Variants in BCL7A observed in about 807,000 individuals in gnomAD.
BCL7A encodes B-cell CLL/lymphoma 7 protein family member A.
A neutral mutation model predicts 28.4 loss-of-function variants in BCL7A; 11 were observed. The observed-to-expected ratio is 0.39, with a 90% confidence interval of 0.24 to 0.64. BCL7A has a LOEUF of 0.64. Ranked by LOEUF, BCL7A falls within the 30% of genes least tolerant of loss-of-function variation. The pLI is 0.50. For missense variants in BCL7A, 222 were observed against 274.8 expected, an observed-to-expected ratio of 0.81 and a Z score of 1.36; for synonymous variants, 123 against 103.3, an observed-to-expected ratio of 1.19 and a Z score of -1.15.
intron 2 of BCL7A, among the ~76,000 whole-genome samples, chr12:122,031,833 G>A (rs780800662): frequency 2.0e-5 from 3 of 152,158 alleles, no homozygotes; most frequent in Admixed American, 6.5e-5. Flanking sequence ...CAACTGCCCC[G>A]AGCAGACAGT....
intron 3 of BCL7A, 51 bp from the exon 4 acceptor site, chr12:122,043,835 C>A: frequency 6.5e-7 from 1 of 1,550,290 alleles, no homozygotes; most frequent in South Asian, 1.2e-5. Flanking sequence ...ACCTACCCGT[C>A]CTTGGCAGCT....
intron 1 of BCL7A, among the ~76,000 whole-genome samples, chr12:122,023,660 G>A (rs7954584): frequency 0.51 from 76,798 of 151,972 alleles, 19,835 homozygotes; most frequent in Non-Finnish European, 0.54. Flanking sequence ...CCAAAGTTGA[G>A]ATCCAAGTCG....
chr12:122,024,455 GT>G (rs1246502202), intron 1 of BCL7A, among the ~76,000 whole-genome samples: 4 of 81,074 alleles, frequency 4.9e-5, no homozygotes, highest in East Asian at 3.7e-4. Flanking sequence ...TGGCTTTGAG[GT>G]TTTTTGTTTT....
chr12:122,024,465 T>G (rs1188400800), intron 1 of BCL7A, among the ~76,000 whole-genome samples: 1 of 150,488 alleles, frequency 6.6e-6, no homozygotes, highest in South Asian at 2.1e-4. Flanking sequence ...GTTTTTTGTT[T>G]TTTTTTTTTT....
chr12:122,058,783 A>G (rs1951895642), intron 5 of BCL7A, among the ~76,000 whole-genome samples: 1 of 152,202 alleles, frequency 6.6e-6, no homozygotes, highest in African/African-American at 2.4e-5. Flanking sequence ...ATGAGTGGGG[A>G]GAGCCTAGGG....
rs551232709 is a variant in BCL7A, at chr12:122,030,560, C to T, written c.93-140C>T. 17 of 756,876 alleles carry T rather than the reference C, an allele frequency of 2.2e-5. No individual in the cohort carries two copies. The African/African-American group carries it at 2.6e-4, about 11-fold the overall frequency. The allele number at this position is 756,876 out of a possible 1,614,324, so 46.9% of individuals were successfully genotyped here. On this transcript the variant is annotated intron_variant, in intron 1 of 5. Coordinates refer to ENST00000261822, the MANE Select transcript of BCL7A (RefSeq NM_001024808.3). ...ATGGGTGATGTGGCCTGCCCAGGGC[C>T]TCCCGCTAGTGAGGGTGGAGCTGGG... is the stretch of plus-strand genomic sequence containing the variant.
At chr12:122,054,365 G>C (rs1462904579) in intron 4 of BCL7A, among the ~76,000 whole-genome samples, 5 of 152,342 alleles carry the variant, frequency 3.3e-5, no homozygotes, top group Admixed American at 3.3e-4. Flanking sequence ...GGGATTACAG[G>C]CCTGAGCCAC....
chr12:122,046,908 T>G (rs552957516), intron 4 of BCL7A, among the ~76,000 whole-genome samples: 105 of 151,772 alleles, frequency 6.9e-4, no homozygotes, highest in African/African-American at 2.5e-3. Context: ...TCTTGGGTTT[T>G]TTTTTTTTTT....
chr12:122,034,612 T>C (rs928039808), intron 2 of BCL7A, among the ~76,000 whole-genome samples: 1 of 151,664 alleles, frequency 6.6e-6, no homozygotes, highest in Admixed American at 6.6e-5. Context: ...GGCAGGCACC[T>C]GTAGCTCCAG....
intron 1 of BCL7A, among the ~76,000 whole-genome samples, chr12:122,024,087 G>A (rs1239821946): frequency 6.6e-6 from 1 of 152,096 alleles, no homozygotes; most frequent in Non-Finnish European, 1.5e-5. Flanking sequence ...GCCCCGGGGC[G>A]GCCGGCCTGG....
chr12:122,026,500 G>C (rs1245877860), intron 1 of BCL7A, among the ~76,000 whole-genome samples: 1 of 152,200 alleles, frequency 6.6e-6, no homozygotes, highest in Non-Finnish European at 1.5e-5. Flanking sequence ...CTGGTCTGAG[G>C]GTTCCCTCAA....
chr12:122,026,627 A>G (rs1018504325), intron 1 of BCL7A, among the ~76,000 whole-genome samples: 1 of 152,216 alleles, frequency 6.6e-6, no homozygotes, highest in African/African-American at 2.4e-5. Flanking sequence ...AGGTTTCATC[A>G]TGGAGACATT....
At chr12:122,044,908 T>G (rs1219427898) in intron 4 of BCL7A, among the ~76,000 whole-genome samples, 1 of 152,010 alleles carries the variant, frequency 6.6e-6, no homozygotes, top group Admixed American at 6.6e-5. Context: ...GGCAGAGAAT[T>G]ATAAAGTAGG....
chr12:122,024,568 G>T (rs901814532), intron 1 of BCL7A, among the ~76,000 whole-genome samples: 1 of 150,576 alleles, frequency 6.6e-6, no homozygotes, highest in African/African-American at 2.5e-5. Context: ...CCTTCGGATT[G>T]GGTCTTAGAC....
chr12:122,058,488 G>A (rs564337782), intron 5 of BCL7A, among the ~76,000 whole-genome samples: 2 of 151,856 alleles, frequency 1.3e-5, no homozygotes, highest in Admixed American at 1.3e-4. Context: ...GTGAAACCCC[G>A]TCTCTACTAA....
chr12:122,057,858 T>G (rs766464660), intron 5 of BCL7A, among the ~76,000 whole-genome samples: 4 of 152,090 alleles, frequency 2.6e-5, no homozygotes, highest in Non-Finnish European at 5.9e-5. Context: ...GGAGTCTACA[T>G]GGCAGAGTGG....
At chr12:122,036,021 T>G (rs969863634) in intron 3 of BCL7A, among the ~76,000 whole-genome samples, 2 of 152,094 alleles carry the variant, frequency 1.3e-5, no homozygotes. Flanking sequence ...TTGTATTTTT[T>G]AGTAAGACGG....
chr12:122,035,358 G>A lies in BCL7A; in HGVS notation c.202G>A (p.Asp68Asn). 1.2e-6 allele frequency: 2 copies of A among 1,614,142 alleles called. No homozygotes were observed. Among genetic ancestry groups the A allele is most frequent in the Non-Finnish European group, 1.7e-6 (2 of 1,179,992 alleles). Residue 68 changes from aspartate (D) to asparagine (N), a missense_variant, in exon 3 of 6, where the codon GAC becomes AAC. Physicochemically the swap from Asp to Asn is conservative, Grantham distance 23 (BLOSUM62 1). Around this residue, in one of 2 missense-constraint regions of BCL7A, gnomAD observed 67 missense variants for 129.1 expected, o/e 0.52. Transcript: ENST00000261822. Reference protein sequence around the residue: ...DKNKNKKKGKDEKCGSEVTTP... With the variant: ...DKNKNKKKGKNEKCGSEVTTP... ...AAACAAGAATAAGAAAAAAGGCAAG[G>A]ACGAGAAGTGTGGCTCAGAGGTGAC...
intron 1 of BCL7A, among the ~76,000 whole-genome samples, chr12:122,023,597 G>C (rs1593020003): frequency 2.0e-5 from 3 of 152,228 alleles, no homozygotes; most frequent in East Asian, 1.9e-4. Context: ...CGTGGGCTGG[G>C]TTTGGCTCCA....
Sources: gnomAD v4.1 joint callset for allele counts (sites outside exome capture counted in the v4.1 genomes callset) on GRCh38, gnomAD v4.1.1 for gene constraint, gnomAD v4.1.1 regional missense constraint, MANE v1.5 for transcripts, NCBI Gene and HGNC (gene_info 2026-07-23, HGNC 2026-07-21) for gene names.